Variants in ABCA12 observed in about 807,000 individuals in gnomAD.
The protein encoded by ABCA12 is ATP binding cassette subfamily A member 12, also known as glucosylceramide transporter ABCA12.
A neutral mutation model predicts 293.5 loss-of-function variants in ABCA12; 156 were observed. The ratio of observed to expected loss-of-function variants is 0.53; its 90% CI spans 0.47 to 0.61. The LOEUF (loss-of-function observed/expected upper bound fraction) is 0.61. ABCA12 is among the 20% of genes least tolerant of loss of function. ABCA12 has a pLI of 0.00. For missense variants in ABCA12, 2,797 were observed against 3,090.2 expected, an observed-to-expected ratio of 0.91 and a Z score of 2.25; for synonymous variants, 1,063 against 1,108.0, an observed-to-expected ratio of 0.96 and a Z score of 0.81.
At chr2:215,103,146 T>C (rs972972325) in intron 2 of ABCA12, among the ~76,000 whole-genome samples, 2 of 152,172 alleles carry the variant, frequency 1.3e-5, no homozygotes, top group Non-Finnish European at 2.9e-5. Flanking sequence ...ATAGGCTTGA[T>C]TGCTGTGAGG....
rs1703160566 is a variant in ABCA12, at chr2:215,134,591, C to CGGA, written c.69+3548_69+3549insTCC. Among the ~76,000 whole-genome samples, 2 of 80,684 alleles carry CGGA rather than the reference C, an allele frequency of 2.5e-5. 1 individual carries two copies. The highest frequency in any genetic ancestry group is 1.9e-4 in the African/African-American group (2 of 10,558). 52.9% of individuals were successfully genotyped at this position (80,684 alleles called of 152,430 possible). A position where few individuals can be genotyped will look rare whatever the true frequency, so the allele number is the denominator to read the frequency against. The stretch of plus-strand genomic sequence containing the variant: ...GTATATATATAATCTCTCTCTCTCT[C>CGGA]TCTCTCTCTATATATATATATATAT... On this transcript the variant is annotated intron_variant, in intron 1 of 52. Transcript: ENST00000272895.
At chr2:214,980,372 T>G in intron 31 of ABCA12, 111 bp downstream of exon 31, 1 of 1,417,860 alleles carries the variant, frequency 7.1e-7, no homozygotes, top group Non-Finnish European at 9.7e-7. Context: ...AGCAGTAAGC[T>G]AGTATACTAA....
intron 32 of ABCA12, 131 bp from the exon 33 acceptor site, chr2:214,978,597 A>C: frequency 8.3e-7 from 1 of 1,210,694 alleles, no homozygotes; most frequent in Non-Finnish European, 1.2e-6. Flanking sequence ...CTTCAAGTGA[A>C]TATTTCTGTA....
At chr2:215,062,512 C>T (rs1701549970) in intron 3 of ABCA12, among the ~76,000 whole-genome samples, 1 of 151,998 alleles carries the variant, frequency 6.6e-6, no homozygotes, top group African/African-American at 2.4e-5. Flanking sequence ...CAATGCGAAT[C>T]CCCTTACCTT....
intron 5 of ABCA12, among the ~76,000 whole-genome samples, chr2:215,051,594 A>G (rs1199784407): frequency 3.1e-5 from 4 of 128,556 alleles, no homozygotes; most frequent in African/African-American, 1.1e-4. Flanking sequence ...ATATAGATAT[A>G]TTATTAAAAA....
intron 1 of ABCA12, among the ~76,000 whole-genome samples, chr2:215,126,420 G>C (rs188351688): frequency 1.4e-4 from 22 of 152,146 alleles, no homozygotes; most frequent in Non-Finnish European, 1.3e-4. Context: ...CTGTGAATCT[G>C]TCTGGTCCTG....
chr2:215,019,917 GT>G, intron 11 of ABCA12, 121 bp from the exon 12 acceptor site: 2 of 1,211,186 alleles, frequency 1.7e-6, no homozygotes, highest in Non-Finnish European at 1.2e-6. Context: ...TATGTATGTG[GT>G]TAGTTGGCAT....
chr2:215,119,734 TAAA>T (rs386654995), intron 1 of ABCA12, among the ~76,000 whole-genome samples: 1 of 75,606 alleles, frequency 1.3e-5, no homozygotes, highest in Admixed American at 1.4e-4. Context: ...CATTAAAAAG[TAAA>T]AAAAAAAAAA....
At position 214,978,357 on chromosome 2, in the gene ABCA12, T is replaced by C. The variant is rs1200752600; in HGVS notation, c.5087A>G (p.Asp1696Gly). 1.9e-6 allele frequency: 3 copies of C among 1,613,976 alleles called. No homozygotes were observed. The highest frequency in any genetic ancestry group is 2.7e-5 in the African/African-American group (2 of 74,928). ...NSNANGISTP[D>G]DLSVSSSNFT... ...ATTGCTGCTGCTCACAGATAAATCG[T>C]CAGGAGTTGAGATGCCATTGGCATT... The change falls in exon 33 of 53, where the codon GAC (aspartate) becomes GGC (glycine). Residue 1696 changes from aspartate to glycine, a missense_variant. Asp to Gly is a moderately conservative substitution (Grantham distance 94). Around this residue, in one of 3 missense-constraint regions of ABCA12, gnomAD observed 2,130 missense variants for 2,427.0 expected, o/e 0.88. Coordinates refer to ENST00000272895, the MANE Select transcript of ABCA12 (RefSeq NM_173076.3).
rs114324813 is a variant in ABCA12, at chr2:215,063,847, G to A, written c.317+219C>T. 4.9e-3 allele frequency among the ~76,000 whole-genome samples: 739 copies of A among 151,992 alleles called. 6 individuals are homozygous for A. Among genetic ancestry groups the A allele is most frequent in the African/African-American group, 0.017 (706 of 41,476 alleles). ...CTACTTTAGTCACCCATCTTATAAAGCAAATTTGAGACATTCACCCAAAGT... is the reference window on the plus strand; with the variant it reads ...CTACTTTAGTCACCCATCTTATAAAACAAATTTGAGACATTCACCCAAAGT... On this transcript the variant is annotated intron_variant, in intron 3 of 52. Transcript: ENST00000272895.
At chr2:215,095,967 G>T (rs1254207526) in intron 2 of ABCA12, among the ~76,000 whole-genome samples, 1 of 152,146 alleles carries the variant, frequency 6.6e-6, no homozygotes, top group Non-Finnish European at 1.5e-5. Flanking sequence ...GCACCCAGGT[G>T]ATTAAAAGCT....
intron 24 of ABCA12, 60 bp from the exon 25 acceptor site, chr2:214,989,681 G>T: frequency 1.3e-6 from 2 of 1,573,072 alleles, no homozygotes; most frequent in Middle Eastern, 3.6e-4. Context: ...TCACCCAGAG[G>T]TATCCTAAAA....
intron 23 of ABCA12, 33 bp from the exon 24 acceptor site, chr2:214,991,064 T>C: frequency 1.9e-6 from 3 of 1,575,618 alleles, no homozygotes; most frequent in African/African-American, 1.3e-5. Flanking sequence ...GCGCTTGTTA[T>C]GCTGATATTC....
Position 215,049,525 on chromosome 2 carries a change from G to A in ABCA12, c.693+101C>T, listed in dbSNP as rs1345595385. ...TCTATGTGAGGAAAACATGCCTAAG[G>A]TAAACAAATATCCCAGTCAGCATTT... is the stretch of plus-strand genomic sequence containing the variant. On this transcript the variant is annotated intron_variant, in intron 6 of 52. Transcript: ENST00000272895. 4 of 1,189,992 alleles carry A rather than the reference G, an allele frequency of 3.4e-6. No individual in the cohort carries two copies. In the African/African-American group the frequency reaches 6.1e-5, roughly 18 times the overall value. 73.7% of individuals were successfully genotyped at this position (1,189,992 alleles called of 1,614,324 possible).
chr2:215,008,569 CTA>C (rs1486540563), intron 18 of ABCA12, among the ~76,000 whole-genome samples: 7 of 151,988 alleles, frequency 4.6e-5, no homozygotes, highest in Non-Finnish European at 8.8e-5. Flanking sequence ...ATGAGAAAAA[CTA>C]TATATAAAAA....
At chr2:215,013,847 C>A (rs1320875389) in intron 15 of ABCA12, among the ~76,000 whole-genome samples, 1 of 152,158 alleles carries the variant, frequency 6.6e-6, no homozygotes, top group Non-Finnish European at 1.5e-5. Flanking sequence ...CAAAGAGGCC[C>A]TTGTGGAACT....
At chr2:215,019,252 C>A in intron 13 of ABCA12, 84 bp downstream of exon 13, 1 of 1,319,438 alleles carries the variant, frequency 7.6e-7, no homozygotes, top group Non-Finnish European at 1.1e-6. Flanking sequence ...TGGTTGGGAA[C>A]TTCAAAAAAG....
chr2:215,136,147 T>C (rs1703222073), intron 1 of ABCA12, among the ~76,000 whole-genome samples: 1 of 152,330 alleles, frequency 6.6e-6, no homozygotes. Flanking sequence ...AATCATTCCC[T>C]GTCCCAAAAT....
chr2:215,036,921 G>A, intron 8 of ABCA12, 32 bp downstream of exon 8: 1 of 1,579,374 alleles, frequency 6.3e-7, no homozygotes. Flanking sequence ...TTGTGACACT[G>A]AATTTAACAC....
Sources: allele counts gnomAD v4.1 joint callset (sites outside exome capture counted in the v4.1 genomes callset), GRCh38; gene constraint gnomAD v4.1.1; regional missense constraint gnomAD v4.1.1; transcripts MANE v1.5; gene names NCBI Gene and HGNC (gene_info 2026-07-23, HGNC 2026-07-21).